Variants in ZNF646 observed in about 807,000 individuals in gnomAD.
ZNF646 encodes zinc finger protein 646.
Under a neutral mutation model 115.4 loss-of-function variants are expected in ZNF646, and 49 were observed. The ratio of observed to expected loss-of-function variants is 0.42; its 90% CI spans 0.34 to 0.54. ZNF646 has a LOEUF of 0.54. Ranked by LOEUF, ZNF646 falls within the 20% of genes least tolerant of loss-of-function variation. The pLI, the probability that ZNF646 is intolerant of heterozygous loss-of-function variation, is 0.04. For missense variants in ZNF646, 2,269 were observed against 2,457.9 expected, an observed-to-expected ratio of 0.92 and a Z score of 1.62; for synonymous variants, 933 against 939.0, an observed-to-expected ratio of 0.99 and a Z score of 0.12.
Position 31,080,524 on chromosome 16 carries a change from G to A in ZNF646, c.4200G>A (p.Leu1400=). The A allele has an allele frequency of 6.2e-7, 1 of 1,614,054 alleles. No individual in the cohort carries two copies. The highest frequency in any genetic ancestry group is 1.1e-5 in the South Asian group (1 of 91,082). ...AGCCAGCCAATGGCCAGGGAGGCCT[G>A]GATGGCACAGCGGCCAGTGAGGCGA... is the stretch of plus-strand genomic sequence containing the variant. The part of the protein sequence containing the change: ...EREPANGQGG[L]DGTAASEANL... Residue 1400 remains leucine (L), a synonymous_variant, in exon 2 of 3, where the codon CTG becomes CTA. Transcript: ENST00000300850.
Position 31,079,109 on chromosome 16 carries a change from C to T in ZNF646, c.2785C>T (p.Arg929Cys), listed in dbSNP as rs757373121. 50 of 1,585,882 alleles carry T rather than the reference C, an allele frequency of 3.2e-5. 2 individuals carry two copies. The South Asian group carries it at 4.1e-4, about 13-fold the overall frequency. ...AGGAGTGGCAGAGGCAGCCCCTGCA[C>T]GCAGTCCACCACTGCAGCTCTCGGA... Reference protein sequence around the residue: ...EEGVAEAAPARSPPLQLSEAE... With the variant: ...EEGVAEAAPACSPPLQLSEAE... Residue 929 changes from arginine (R) to cysteine (C), a missense_variant, in exon 2 of 3, where the codon CGC (arginine) becomes TGC (cysteine). Around this residue, in one of 5 missense-constraint regions of ZNF646, gnomAD observed 852 missense variants for 900.2 expected, o/e 0.95. Coordinates refer to ENST00000300850, the MANE Select transcript of ZNF646 (RefSeq NM_014699.4). This position sits in a 1 kb window ranked among gnomAD's most constrained non-coding sequence, Gnocchi z 5.5.
At chr16:31,082,819 G>C in intron 2 of ZNF646, 152 bp from the exon 3 acceptor site, 1 of 1,025,016 alleles carries the variant, frequency 9.8e-7, no homozygotes, top group East Asian at 3.0e-5. Context: ...CAGTTTGCCA[G>C]GGCTGGGAAA....
Position 31,077,737 on chromosome 16 carries a change from T to A in ZNF646, c.1413T>A (p.Gly471=). 1 of 1,614,012 alleles carries A rather than the reference T, an allele frequency of 6.2e-7. No homozygotes were observed. Among genetic ancestry groups the A allele is most frequent in the Non-Finnish European group, 8.5e-7 (1 of 1,180,024 alleles). ...DHRPYKCSEC[G]RAYRHRGSLV... ...GGCCCTATAAGTGCAGTGAGTGTGG[T>A]CGTGCTTACCGCCACCGGGGGAGCC... Residue 471 remains glycine, a synonymous_variant, in exon 2 of 3, where the codon GGT becomes GGA. Transcript: ENST00000300850.
In ZNF646 at chr16:31,076,911, C is replaced by T; in HGVS notation, c.587C>T (p.Ala196Val). Residue 196 changes from alanine (A) to valine (V), a missense_variant, in exon 2 of 3, where the codon GCC (alanine) becomes GTC (valine). By Grantham distance (64) the Ala-to-Val change is moderately conservative. Coordinates refer to ENST00000300850, the MANE Select transcript of ZNF646 (RefSeq NM_014699.4). ...GGACCCTCCACTAACTCTGCCAGAG[C>T]CCCTCCTCTCCCCATCCCAGCCAGC... ...GWGPSTNSARAPPLPIPASSL... is the reference protein window; with the variant it reads ...GWGPSTNSARVPPLPIPASSL... The T allele has an allele frequency of 1.9e-6, 3 of 1,614,098 alleles. No homozygotes were observed. Among genetic ancestry groups the T allele is most frequent in the South Asian group, 2.2e-5 (2 of 91,080 alleles).
chr16:31,076,283 G>C lies in ZNF646; in HGVS notation c.-42G>C, dbSNP rs374119215. On this transcript the variant is annotated 5_prime_UTR_variant, in exon 2 of 3. Transcript: ENST00000300850. The stretch of plus-strand genomic sequence containing the variant: ...CCACCAGAGGAAGGTGCTGCCACGT[G>C]TCTGCTCCTTCTGAACCTCCAGGTT... 5.7e-6 allele frequency: 9 copies of C among 1,567,772 alleles called. No homozygotes were observed. In the African/African-American group the frequency reaches 1.2e-4, roughly 21 times the overall value.
Position 31,076,505 on chromosome 16 carries a change from G to T in ZNF646, c.181G>T (p.Gly61Trp). Residue 61 changes from glycine to tryptophan, a missense_variant, in exon 2 of 3, where the codon GGG becomes TGG. Coordinates refer to ENST00000300850, the MANE Select transcript of ZNF646 (RefSeq NM_014699.4). ...QQCGRGYRHPGSLVNHRRTHE... is the reference protein window; with the variant it reads ...QQCGRGYRHPWSLVNHRRTHE... ...GTGTGGGCGGGGCTACCGTCACCCC[G>T]GGAGCCTGGTTAACCATCGTCGGAC... is the stretch of plus-strand genomic sequence containing the variant. 1.2e-6 allele frequency: 2 copies of T among 1,613,752 alleles called. No homozygotes were observed. Among genetic ancestry groups the T allele is most frequent in the East Asian group, 2.2e-5 (1 of 44,866 alleles).
chr16:31,077,957 G>C lies in ZNF646; in HGVS notation c.1633G>C (p.Glu545Gln). Residue 545 changes from glutamate to glutamine, a missense_variant, in exon 2 of 3, where the codon GAG becomes CAG. Physicochemically the swap from Glu to Gln is conservative, Grantham distance 29. Coordinates refer to ENST00000300850, the MANE Select transcript of ZNF646 (RefSeq NM_014699.4). ...VELPPDPVEA[E>Q]AAPHTDQDHV... is the part of the protein sequence containing the mutation. Reference sequence around the variant, plus strand: ...ACTCCCGCCTGACCCAGTGGAGGCAGAGGCAGCCCCGCACACAGATCAGGA... The same window carrying C: ...ACTCCCGCCTGACCCAGTGGAGGCACAGGCAGCCCCGCACACAGATCAGGA... 1 of 1,614,016 alleles carries C rather than the reference G, an allele frequency of 6.2e-7. No homozygotes were observed. Among genetic ancestry groups the C allele is most frequent in the Non-Finnish European group, 8.5e-7 (1 of 1,180,054 alleles).
chr16:31,081,581 G>A lies in ZNF646; in HGVS notation c.5257G>A (p.Val1753Ile). Residue 1753 changes from valine (V) to isoleucine (I), a missense_variant, in exon 2 of 3, where the codon GTC (valine) becomes ATC (isoleucine). Coordinates refer to ENST00000300850, the MANE Select transcript of ZNF646 (RefSeq NM_014699.4). ...TGCCCGGCTGGAGGGCCACGGGCGGGTCCATGCACCCCGGGAGGGGCCTTT... is the reference window on the plus strand; with the variant it reads ...TGCCCGGCTGGAGGGCCACGGGCGGATCCATGCACCCCGGGAGGGGCCTTT... ...TAARLEGHGRVHAPREGPFTC... is the reference protein window; with the variant it reads ...TAARLEGHGRIHAPREGPFTC... The A allele has an allele frequency of 6.2e-7, 1 of 1,613,160 alleles. No individual in the cohort carries two copies.
In ZNF646 at chr16:31,081,131, C is replaced by T; in HGVS notation, c.4807C>T (p.His1603Tyr). Residue 1603 changes from histidine (H) to tyrosine (Y), a missense_variant, in exon 2 of 3, where the codon CAC (histidine) becomes TAC (tyrosine). Physicochemically the swap from His to Tyr is moderately conservative, Grantham distance 83. This residue lies in a region of ZNF646 where 1,062 missense variants were observed against 1,172.8 expected (regional missense o/e 0.91). Coordinates refer to ENST00000300850, the MANE Select transcript of ZNF646 (RefSeq NM_014699.4). ...TGAGTCCCACCAGGAACTGGCCAGC[C>T]ACCTGCAGGCTCATGCCCGGGGCCA... ...AFESHQELASHLQAHARGHSQ... is the reference protein window; with the variant it reads ...AFESHQELASYLQAHARGHSQ... 2 of 1,607,202 alleles carry T rather than the reference C, an allele frequency of 1.2e-6. No individual in the cohort carries two copies. Among genetic ancestry groups the T allele is most frequent in the Non-Finnish European group, 1.7e-6 (2 of 1,175,456 alleles).
chr16:31,076,412 C>T lies in ZNF646; in HGVS notation c.88C>T (p.Leu30Phe), dbSNP rs201805037. ...LPELSRHREL[L>F]HPSPNQDSEE... ...AGAGCTCTCTCGGCACCGAGAACTG[C>T]TCCATCCATCTCCCAACCAGGACAG... Residue 30 changes from leucine (L) to phenylalanine (F), a missense_variant, in exon 2 of 3, where the codon CTC (leucine) becomes TTC (phenylalanine). By Grantham distance (22) the Leu-to-Phe change is conservative (BLOSUM62 0). Transcript: ENST00000300850. The T allele has an allele frequency of 1.8e-4, 286 of 1,614,106 alleles. 2 individuals are homozygous for T. The East Asian group carries it at 5.2e-3, about 29-fold the overall frequency.
intron 2 of ZNF646, chr16:31,081,991 T>C: frequency 2.1e-6 from 1 of 474,228 alleles, no homozygotes; most frequent in Non-Finnish European, 3.8e-6. Context: ...AATGGAATGG[T>C]CTTTCTGTTC....
In ZNF646 at chr16:31,083,523, G is replaced by GT. The variant is rs2057193095; in HGVS notation, c.*432dup. ...AAATTTTCAAAACAACGTGGCTGGC[G>GT]TGATTGTATCTGAAAGGGTAAAGGA... On this transcript the variant is annotated 3_prime_UTR_variant, in exon 3 of 3. Coordinates refer to ENST00000300850, the MANE Select transcript of ZNF646 (RefSeq NM_014699.4). 2.9e-6 allele frequency: 4 copies of GT among 1,373,274 alleles called. No individual in the cohort carries two copies. Among genetic ancestry groups the GT allele is most frequent in the Middle Eastern group, 2.8e-4 (1 of 3,626 alleles). The allele number at this position is 1,373,274 out of a possible 1,614,324, so 85.1% of individuals were successfully genotyped here.
In ZNF646 at chr16:31,081,661, C is replaced by T. The variant is rs778862765; in HGVS notation, c.5337C>T (p.His1779=). 6.9e-6 allele frequency: 11 copies of T among 1,603,478 alleles called. No homozygotes were observed. The highest frequency in any genetic ancestry group is 2.2e-5 in the East Asian group (1 of 44,738). The change falls in exon 2 of 3, where the codon CAC becomes CAT. Residue 1779 remains histidine (H), a synonymous_variant. Transcript: ENST00000300850. ...GCCGCCGAATCAGCTTCGTGCAGCA[C>T]CAGCAGCAGCACCAGGAGGAGTGGA... ...HFRRRISFVQ[H]QQQHQEEWTV... is the part of the protein sequence containing the mutation.
Position 31,078,446 on chromosome 16 carries a change from C to T in ZNF646, c.2122C>T (p.Pro708Ser), listed in dbSNP as rs745404948. Residue 708 changes from proline to serine, a missense_variant, in exon 2 of 3, where the codon CCC (proline) becomes TCC (serine). By Grantham distance (74) the Pro-to-Ser change is moderately conservative. Transcript: ENST00000300850. ...ELEDNEGLES[P>S]QDPSGESPHG... ...AGAAGACAATGAAGGCCTGGAGTCTCCCCAAGACCCTTCAGGGGAAAGTCC... is the reference window on the plus strand; with the variant it reads ...AGAAGACAATGAAGGCCTGGAGTCTTCCCAAGACCCTTCAGGGGAAAGTCC... 5.6e-6 allele frequency: 9 copies of T among 1,595,082 alleles called. No individual in the cohort carries two copies. In the East Asian group the frequency reaches 1.8e-4, roughly 32 times the overall value.
intron 1 of ZNF646, among the ~76,000 whole-genome samples, chr16:31,075,734 C>T (rs968356512): frequency 2.6e-5 from 4 of 152,196 alleles, no homozygotes; most frequent in African/African-American, 9.7e-5. Context: ...CCTCTCAGGT[C>T]CTCAGCTATT....
At chr16:31,075,104 T>G (rs1567404631) in intron 1 of ZNF646, among the ~76,000 whole-genome samples, 1 of 152,102 alleles carries the variant, frequency 6.6e-6, no homozygotes, top group Non-Finnish European at 1.5e-5. Flanking sequence ...CATGAGTTGC[T>G]GTCATCATCA....
intron 1 of ZNF646, among the ~76,000 whole-genome samples, chr16:31,075,056 T>C (rs1229062641): frequency 6.6e-6 from 1 of 152,154 alleles, no homozygotes; most frequent in Non-Finnish European, 1.5e-5. Context: ...ATGAATATAG[T>C]TAGCACAGTG....
chr16:31,078,949 G>A lies in ZNF646; in HGVS notation c.2625G>A (p.Ala875=), dbSNP rs77095523. The A allele has an allele frequency of 2.7e-5, 43 of 1,612,392 alleles. 1 individual carries two copies. The highest frequency in any genetic ancestry group is 1.6e-4 in the Middle Eastern group (1 of 6,062). The part of the protein sequence containing the change: ...SHFQNHRPGE[A]TSAQPFLCCL... ...TCCAGAACCATAGGCCTGGGGAGGC[G>A]ACCTCAGCACAGCCTTTCCTCTGCT... is the stretch of plus-strand genomic sequence containing the variant. The change falls in exon 2 of 3, where the codon GCG becomes GCA. Residue 875 remains alanine, a synonymous_variant. Transcript: ENST00000300850.
Position 31,084,187 on chromosome 16 carries a change from T to G in ZNF646, c.*1095T>G. ...TTCCTCGGCGAAGTAGACCTGCCAGTCCAAACTGCTGACCCAGTCCTCATA... is the reference window on the plus strand; with the variant it reads ...TTCCTCGGCGAAGTAGACCTGCCAGGCCAAACTGCTGACCCAGTCCTCATA... On this transcript the variant is annotated 3_prime_UTR_variant, in exon 3 of 3. Transcript: ENST00000300850. 1 of 1,609,468 alleles carries G rather than the reference T, an allele frequency of 6.2e-7. No homozygotes were observed. Among genetic ancestry groups the G allele is most frequent in the Non-Finnish European group, 8.5e-7 (1 of 1,178,212 alleles).
Sources: allele counts gnomAD v4.1 joint callset (sites outside exome capture counted in the v4.1 genomes callset), GRCh38; gene constraint gnomAD v4.1.1; regional missense constraint gnomAD v4.1.1; non-coding constraint Gnocchi (gnomAD v3.1); transcripts MANE v1.5; gene names NCBI Gene and HGNC (gene_info 2026-07-23, HGNC 2026-07-21).